The following CFAP36 variants were observed in gnomAD, a reference collection of about 807,000 sequenced individuals.
The protein encoded by CFAP36 is cilia and flagella associated protein 36.
In CFAP36, 37 loss-of-function variants were observed where a neutral mutation model predicts 50.5. The ratio of observed to expected loss-of-function variants is 0.73; its 90% CI spans 0.56 to 0.96. The LOEUF is 0.96. Ranked by LOEUF, CFAP36 falls within the 50% of genes least tolerant of loss-of-function variation. The pLI, the probability that CFAP36 is intolerant of heterozygous loss-of-function variation, is 0.00. For synonymous variants in CFAP36, 138 were observed against 128.2 expected, an observed-to-expected ratio of 1.08 and a Z score of -0.52; for missense variants, 407 against 396.2, an observed-to-expected ratio of 1.03 and a Z score of -0.23.
chr2:55,544,150 C>G, intron 8 of CFAP36, 70 bp from the exon 9 acceptor site: 2 of 1,609,150 alleles, frequency 1.2e-6, no homozygotes, highest in African/African-American at 1.3e-5. Context: ...AATTGAATCA[C>G]TCAGTGGGCA....
intron 4 of CFAP36, 79 bp from the exon 5 acceptor site, chr2:55,533,794 C>T (rs534735061): frequency 8.3e-5 from 60 of 723,584 alleles, no homozygotes; most frequent in Admixed American, 4.6e-4. Context: ...GTAACTTGTA[C>T]TTAAGGAACG....
intron 1 of CFAP36, among the ~76,000 whole-genome samples, chr2:55,520,125 G>A (rs950337445): frequency 6.6e-6 from 1 of 152,166 alleles, no homozygotes; most frequent in Non-Finnish European, 1.5e-5. Flanking sequence ...CCCTGCCAAT[G>A]TGTTCCTTCG....
rs55700308 is a variant in CFAP36, at chr2:55,524,663, G to A, written c.282+841G>A. Among the ~76,000 whole-genome samples the A allele has an allele frequency of 6.1e-3, 929 of 152,154 alleles. 8 individuals carry two copies. The highest frequency in any genetic ancestry group is 0.011 in the Non-Finnish European group (725 of 67,998). On this transcript the variant is annotated intron_variant, in intron 3 of 9. Transcript: ENST00000349456. ...TCTTCCTGACACCTCTTAAGAAACT[G>A]CTACTATATAACTTCCATTTAGAAA...
At chr2:55,529,495 T>C (rs1684299673) in intron 4 of CFAP36, among the ~76,000 whole-genome samples, 1 of 152,164 alleles carries the variant, frequency 6.6e-6, no homozygotes, top group South Asian at 2.1e-4. Context: ...AATTCAATGA[T>C]ACTTTGGATT....
At chr2:55,525,632 C>CTTTTTTTTTTTT (rs35228412) in intron 3 of CFAP36, among the ~76,000 whole-genome samples, 1 of 149,930 alleles carries the variant, frequency 6.7e-6, no homozygotes, top group Non-Finnish European at 1.5e-5. Context: ...AACTTGCTCT[C>CTTTTTTTTTTTT]TTTTTTTTTT....
At chr2:55,520,423 A>G (rs1162023870) in intron 1 of CFAP36, 4 of 1,548,428 alleles carry the variant, frequency 2.6e-6, no homozygotes. Context: ...AAAGGAGGGC[A>G]TGTGATAACT....
chr2:55,543,254 A>G (rs1430802457), intron 7 of CFAP36, among the ~76,000 whole-genome samples: 2 of 152,082 alleles, frequency 1.3e-5, no homozygotes, highest in African/African-American at 2.4e-5. Flanking sequence ...AAAAACAATC[A>G]CCTTATAATA....
Position 55,528,990 on chromosome 2 carries a change from A to G in CFAP36, c.395A>G (p.Asn132Ser), listed in dbSNP as rs141949255. 1.1e-4 allele frequency: 182 copies of G among 1,597,806 alleles called. No homozygotes were observed. The highest frequency in any genetic ancestry group is 1.1e-3 in the South Asian group (94 of 87,802). The stretch of plus-strand genomic sequence containing the variant: ...GCCATTCGAATAATTCAAGAGAGAA[A>G]TGGTAAAATGTTGAAGTTAGAAATC... ...LQAIRIIQER[N>S]GVLPDCLTDG... The change falls in exon 4 of 10, where the codon AAT (asparagine) becomes AGT (serine). Residue 132 changes from asparagine to serine, a missense_variant and splice_region_variant. Transcript: ENST00000349456.
At chr2:55,539,632 A>G (rs1260032065) in intron 7 of CFAP36, 1 of 152,250 alleles carries the variant, frequency 6.6e-6, no homozygotes, top group East Asian at 1.9e-4. Flanking sequence ...CTTTGGGTAA[A>G]TACCAATGAG....
At chr2:55,538,295 C>CTTTT (rs35529401) in intron 7 of CFAP36, among the ~76,000 whole-genome samples, 1 of 132,890 alleles carries the variant, frequency 7.5e-6, no homozygotes, top group African/African-American at 2.8e-5. Context: ...TTTCTTTTAT[C>CTTTT]TTTTTTTTTT....
rs780069678 is a variant in CFAP36, at chr2:55,544,246, A to T, written c.804A>T (p.Glu268Asp). The change falls in exon 9 of 10, where the codon GAA becomes GAT. Residue 268 changes from glutamate to aspartate, a missense_variant. Glu to Asp is a conservative substitution (Grantham distance 45). Transcript: ENST00000349456. ...IANLSVLGTEELRQREHYLKQ... is the reference protein window; with the variant it reads ...IANLSVLGTEDLRQREHYLKQ... ...ACTTATCAGTACTTGGAACAGAAGAACTTCGGCAACGAGAACACTATCTCA... is the reference window on the plus strand; with the variant it reads ...ACTTATCAGTACTTGGAACAGAAGATCTTCGGCAACGAGAACACTATCTCA... The T allele has an allele frequency of 1.9e-6, 3 of 1,613,618 alleles. No individual in the cohort carries two copies. The highest frequency in any genetic ancestry group is 4.5e-5 in the East Asian group (2 of 44,860).
chr2:55,527,652 A>T (rs1684245679), intron 3 of CFAP36, among the ~76,000 whole-genome samples: 1 of 152,120 alleles, frequency 6.6e-6, no homozygotes, highest in African/African-American at 2.4e-5. Context: ...TTTGACATAC[A>T]CCACTTCATC....
Position 55,522,135 on chromosome 2 carries a change from A to G in CFAP36, c.149A>G (p.Tyr50Cys), listed in dbSNP as rs1242800552. The G allele has an allele frequency of 6.5e-7, 1 of 1,540,866 alleles. No individual in the cohort carries two copies. Among genetic ancestry groups the G allele is most frequent in the Non-Finnish European group, 8.9e-7 (1 of 1,128,256 alleles). The change falls in exon 2 of 10, where the codon TAT (tyrosine) becomes TGT (cysteine). Residue 50 changes from tyrosine to cysteine, a missense_variant. Transcript: ENST00000349456. ...FDDEEESKLT[Y>C]TEIHQEYKEL... is the part of the protein sequence containing the mutation. ...GATGAAGAAGAAAGCAAATTGACCT[A>G]TACAGAGATTCATCAGGAATACAAA...
At chr2:55,533,673 C>T (rs951989731) in intron 4 of CFAP36, among the ~76,000 whole-genome samples, 200 bp from the exon 5 acceptor site, 13 of 137,116 alleles carry the variant, frequency 9.5e-5, no homozygotes, top group African/African-American at 1.1e-4. Context: ...CCAGCCTGGG[C>T]GACAGAAAGA....
intron 3 of CFAP36, 75 bp downstream of exon 3, chr2:55,523,897 ATGTT>A: frequency 4.6e-6 from 4 of 878,712 alleles, no homozygotes; most frequent in Non-Finnish European, 7.0e-6. Flanking sequence ...TTAAATTTGA[ATGTT>A]TGATTGACAA....
chr2:55,523,842 C>CCTG lies in CFAP36; in HGVS notation c.282+20_282+21insCTG. 6.7e-7 allele frequency: 1 copy of CCTG among 1,496,824 alleles called. No individual in the cohort carries two copies. The highest frequency in any genetic ancestry group is 1.2e-5 in the South Asian group (1 of 81,500). The allele number at this position is 1,496,824 out of a possible 1,614,324, so 92.7% of individuals were successfully genotyped here. ...TCACAGGTTTTTGCTTTGTGTTATT[C>CCTG]TGCTAACATACAGTTTTAACAAATG... On this transcript the variant is annotated intron_variant, in intron 3 of 9. Transcript: ENST00000349456.
intron 4 of CFAP36, among the ~76,000 whole-genome samples, chr2:55,533,095 T>C (rs2103652017): frequency 6.6e-6 from 1 of 152,346 alleles, no homozygotes; most frequent in South Asian, 2.1e-4. Flanking sequence ...CCCTTTTCAA[T>C]AACATCTGTT....
Position 55,522,138 on chromosome 2 carries a change from C to A in CFAP36, c.152C>A (p.Thr51Lys). The A allele has an allele frequency of 6.5e-7, 1 of 1,542,356 alleles. No homozygotes were observed. Among genetic ancestry groups the A allele is most frequent in the Non-Finnish European group, 8.9e-7 (1 of 1,128,504 alleles). Reference sequence around the variant, plus strand: ...GAAGAAGAAAGCAAATTGACCTATACAGAGATTCATCAGGAATACAAAGAA... The same window carrying A: ...GAAGAAGAAAGCAAATTGACCTATAAAGAGATTCATCAGGAATACAAAGAA... ...DDEEESKLTY[T>K]EIHQEYKELV... Residue 51 changes from threonine (T) to lysine (K), a missense_variant, in exon 2 of 10, where the codon ACA becomes AAA. Thr to Lys is a moderately conservative substitution (Grantham distance 78, BLOSUM62 -1). Coordinates refer to ENST00000349456, the MANE Select transcript of CFAP36 (RefSeq NM_080667.7).
intron 7 of CFAP36, among the ~76,000 whole-genome samples, chr2:55,542,567 C>T (rs1291197751): frequency 6.6e-6 from 1 of 152,116 alleles, no homozygotes; most frequent in South Asian, 2.1e-4. Flanking sequence ...TCTTCCCTTC[C>T]TAGAAATTAG....
Sources: allele counts gnomAD v4.1 joint callset (sites outside exome capture counted in the v4.1 genomes callset), GRCh38; gene constraint gnomAD v4.1.1; transcripts MANE v1.5; gene names NCBI Gene and HGNC (gene_info 2026-07-23, HGNC 2026-07-21).